PUM1: variants seen among roughly 807,000 people sequenced by gnomAD.
PUM1 encodes pumilio homolog 1.
Under a neutral mutation model 131.8 loss-of-function variants are expected in PUM1, and 13 were observed. The observed-to-expected ratio is 0.10, with a 90% CI of 0.06 to 0.16. The LOEUF is 0.16. PUM1 is among the 10% of genes least tolerant of loss of function. PUM1 has a pLI of 1.00. For synonymous variants in PUM1, 509 were observed against 556.5 expected, an observed-to-expected ratio of 0.91 and a Z score of 1.20; for missense variants, 961 against 1,512.4, an observed-to-expected ratio of 0.64 and a Z score of 6.05.
intron 9 of PUM1, among the ~76,000 whole-genome samples, chr1:30,978,041 T>C (rs558801409): frequency 6.6e-6 from 1 of 152,188 alleles, no homozygotes; most frequent in South Asian, 2.1e-4. Context: ...AGTCAGGAGT[T>C]TGAGACCAGC....
At chr1:30,984,313 G>A (rs1262525320) in intron 7 of PUM1, among the ~76,000 whole-genome samples, 1 of 152,188 alleles carries the variant, frequency 6.6e-6, no homozygotes. Context: ...TGGAAATACA[G>A]AGTATTCAAA....
intron 3 of PUM1, among the ~76,000 whole-genome samples, chr1:31,013,434 A>G (rs932911063): frequency 2.0e-5 from 3 of 152,242 alleles, no homozygotes; most frequent in African/African-American, 7.2e-5. Context: ...CAGAGCAGAA[A>G]TTGAGCATCT....
At chr1:31,033,037 T>TAA (rs887538168) in intron 2 of PUM1, among the ~76,000 whole-genome samples, 2 of 143,080 alleles carry the variant, frequency 1.4e-5, no homozygotes, top group Admixed American at 7.0e-5. Context: ...ATCCTGTCTC[T>TAA]AAAAAAAAAT....
chr1:30,984,928 C>G (rs987414970), intron 7 of PUM1, among the ~76,000 whole-genome samples: 3 of 152,220 alleles, frequency 2.0e-5, no homozygotes, highest in East Asian at 1.9e-4. Flanking sequence ...CCCACTCCCC[C>G]CTGGCCACCG....
At chr1:31,021,312 G>A (rs1161078352) in intron 3 of PUM1, among the ~76,000 whole-genome samples, 1 of 152,150 alleles carries the variant, frequency 6.6e-6, no homozygotes, top group Non-Finnish European at 1.5e-5. Context: ...CAACATCCCT[G>A]AGAGCAGAAA....
In PUM1 at chr1:31,007,032, A is replaced by G; in HGVS notation, c.503T>C (p.Leu168Pro). 1 of 1,613,974 alleles carries G rather than the reference A, an allele frequency of 6.2e-7. No homozygotes were observed. The highest frequency in any genetic ancestry group is 8.5e-7 in the Non-Finnish European group (1 of 1,179,888). Residue 168 changes from leucine to proline, a missense_variant, in exon 4 of 22, where the codon CTG becomes CCG. Coordinates refer to ENST00000426105, the MANE Select transcript of PUM1 (RefSeq NM_001020658.2). ...GGCACTGTCTCGCCATTGATCACCC[A>G]GGAATATTCCTTTTGGTCCATCTTT... Reference protein sequence around the residue: ...SSKDGPKGIFLGDQWRDSAWG... With the variant: ...SSKDGPKGIFPGDQWRDSAWG...
chr1:30,981,254 G>A, intron 8 of PUM1, 58 bp downstream of exon 8: 2 of 1,127,854 alleles, frequency 1.8e-6, no homozygotes, highest in Non-Finnish European at 2.6e-6. Context: ...ACAGCAACCA[G>A]TTATCCTAAA....
At chr1:30,969,010 AAG>A (rs1327888443) in intron 10 of PUM1, among the ~76,000 whole-genome samples, 4 of 152,178 alleles carry the variant, frequency 2.6e-5, no homozygotes, top group African/African-American at 9.7e-5. Context: ...AAGAAAAAAA[AAG>A]AGTGTAACAG....
rs555882539 is a variant in PUM1 at position 31,048,514 on chromosome 1, G to A, written c.363+10690C>T. Among the ~76,000 whole-genome samples the A allele has an allele frequency of 5.4e-5, 8 of 147,470 alleles. 1 individual carries two copies. The highest frequency in any genetic ancestry group is 3.5e-3 in the Middle Eastern group (1 of 288). Reference sequence around the variant, plus strand: ...TTTTGAGATGGAGTCTCGCTCTGTCGCCCAGGCTGGAGTGCAATGGTGCGA... The same window carrying A: ...TTTTGAGATGGAGTCTCGCTCTGTCACCCAGGCTGGAGTGCAATGGTGCGA... On this transcript the variant is annotated intron_variant, in intron 2 of 21. Coordinates refer to ENST00000426105, the MANE Select transcript of PUM1 (RefSeq NM_001020658.2).
chr1:30,960,755 G>A (rs1385227490), intron 14 of PUM1, among the ~76,000 whole-genome samples: 1 of 152,036 alleles, frequency 6.6e-6, no homozygotes, highest in Admixed American at 6.6e-5. Context: ...AAATGCATGT[G>A]CAAAAAGATG....
intron 1 of PUM1, among the ~76,000 whole-genome samples, chr1:31,063,737 T>C (rs116330581): frequency 1.3e-5 from 2 of 152,314 alleles, no homozygotes; most frequent in African/African-American, 4.8e-5. Flanking sequence ...AAAAGACTCC[T>C]ATAAAAATGT....
chr1:30,968,847 T>C (rs927466455), intron 10 of PUM1, among the ~76,000 whole-genome samples: 2 of 152,224 alleles, frequency 1.3e-5, no homozygotes, highest in African/African-American at 4.8e-5. Flanking sequence ...TGTTATCAAA[T>C]ATTTAATGCC....
chr1:31,021,085 TGTAACAAC>T (rs1040898566), intron 3 of PUM1, among the ~76,000 whole-genome samples: 2 of 152,248 alleles, frequency 1.3e-5, no homozygotes, highest in Non-Finnish European at 2.9e-5. Flanking sequence ...ACCATCGATC[TGTAACAAC>T]GTAACAACTA....
chr1:31,010,038 CA>C (rs1642551543), intron 3 of PUM1, among the ~76,000 whole-genome samples: 1 of 151,948 alleles, frequency 6.6e-6, no homozygotes, highest in Admixed American at 6.6e-5. Flanking sequence ...TAAATTCTCT[CA>C]AAAGGAAACA....
intron 9 of PUM1, among the ~76,000 whole-genome samples, chr1:30,978,105 C>T (rs1056983444): frequency 3.3e-4 from 50 of 151,992 alleles, no homozygotes; most frequent in Admixed American, 3.0e-3. Flanking sequence ...ATTAGCCAGG[C>T]GTGGTGGTGG....
At chr1:30,995,789 T>C (rs1377168512) in intron 5 of PUM1, among the ~76,000 whole-genome samples, 1 of 152,200 alleles carries the variant, frequency 6.6e-6, no homozygotes, top group East Asian at 1.9e-4. Context: ...GCCCTGTCAA[T>C]TTGCATCACC....
At chr1:31,041,606 A>G (rs1197529729) in intron 2 of PUM1, among the ~76,000 whole-genome samples, 1 of 152,056 alleles carries the variant, frequency 6.6e-6, no homozygotes, top group African/African-American at 2.4e-5. Context: ...TTCTCACTCT[A>G]TTAATTCACA....
chr1:31,038,871 A>G (rs1329138940), intron 2 of PUM1, among the ~76,000 whole-genome samples: 5 of 150,114 alleles, frequency 3.3e-5, no homozygotes, highest in Non-Finnish European at 5.9e-5. Flanking sequence ...CTGTAATAGG[A>G]AAAGATGGAA....
chr1:31,012,375 T>A (rs1178702020), intron 3 of PUM1, among the ~76,000 whole-genome samples: 1 of 151,742 alleles, frequency 6.6e-6, no homozygotes, highest in Non-Finnish European at 1.5e-5. Context: ...AGTCCTATCA[T>A]CCCCAGCAAT....
Sources: allele counts gnomAD v4.1 joint callset (sites outside exome capture counted in the v4.1 genomes callset), GRCh38; gene constraint gnomAD v4.1.1; transcripts MANE v1.5; gene names NCBI Gene and HGNC (gene_info 2026-07-23, HGNC 2026-07-21).